The following FOXJ3 variants were observed in gnomAD, a reference collection of about 807,000 sequenced individuals.
The protein encoded by FOXJ3 is forkhead box protein J3.
FOXJ3 carries 22 observed loss-of-function variants against 76.1 expected under a neutral mutation model. The ratio of observed to expected loss-of-function variants is 0.29; its 90% CI spans 0.21 to 0.41. The LOEUF (loss-of-function observed/expected upper bound fraction) is 0.41, where lower values mean the gene tolerates loss of function less well. Ranked by LOEUF, FOXJ3 falls within the 10% of genes least tolerant of loss-of-function variation. The probability of loss-of-function intolerance (pLI) is 1.00; values close to 1 mark genes in which losing one functional copy is unlikely to be tolerated. For missense variants in FOXJ3, 613 were observed against 762.1 expected (o/e 0.80, Z 2.30); for synonymous variants, 269 against 261.2 (o/e 1.03, Z -0.29).
rs150303137 is a variant in FOXJ3 at position 42,269,251 on chromosome 1, G to C, written c.370-4062C>G. ...AAATCTAAAATAAGACATGAAAAAA[G>C]AAAGAGGCATCAGACAAACTAGTTC... On this transcript the variant is annotated intron_variant, in intron 3 of 12. Coordinates refer to ENST00000361346, the MANE Select transcript of FOXJ3 (RefSeq NM_014947.5). Among the ~76,000 whole-genome samples, 4 of 152,132 alleles carry C rather than the reference G, an allele frequency of 2.6e-5. 1 individual carries two copies. The highest frequency in any genetic ancestry group is 9.6e-5 in the African/African-American group (4 of 41,532).
chr1:42,222,054 GAAGAAGAAGAAGA>G lies in FOXJ3; in HGVS notation c.528+5816_528+5828del, dbSNP rs1557649635. 1.4e-4 allele frequency among the ~76,000 whole-genome samples: 14 copies of G among 103,326 alleles called. 2 individuals are homozygous for G. Among genetic ancestry groups the G allele is most frequent in the African/African-American group, 4.2e-4 (10 of 24,016 alleles). 67.8% of individuals were successfully genotyped at this position (103,326 alleles called of 152,430 possible). On this transcript the variant is annotated intron_variant, in intron 5 of 12. Transcript: ENST00000361346. ...GGGAGGAGAAGGAGAAGGAGAAGAA[GAAGAAGAAGAAGA>G]AGAAGAAGAAGAAGAAGAAGAAGAA...
chr1:42,259,941 A>G (rs1001328342), intron 4 of FOXJ3, among the ~76,000 whole-genome samples: 3 of 152,186 alleles, frequency 2.0e-5, no homozygotes, highest in East Asian at 1.9e-4. Context: ...GACAAACTCT[A>G]AAGTCTCCCT....
At chr1:42,199,023 T>A in intron 7 of FOXJ3, 79 bp downstream of exon 7, 2 of 1,171,850 alleles carry the variant, frequency 1.7e-6, no homozygotes, top group Admixed American at 4.1e-5. Context: ...CATTTTTAAA[T>A]TTGCATTTCA....
chr1:42,334,804 C>G (rs995978629), intron 1 of FOXJ3: 1 of 152,198 alleles, frequency 6.6e-6, no homozygotes, highest in Non-Finnish European at 1.5e-5. Context: ...CGCGAAGCCG[C>G]TGCTTCCCAG....
At chr1:42,256,158 ATCT>A (rs1020548117) in intron 4 of FOXJ3, among the ~76,000 whole-genome samples, 53 of 152,342 alleles carry the variant, frequency 3.5e-4, no homozygotes, top group African/African-American at 1.3e-3. Flanking sequence ...TAAAAAGAAA[ATCT>A]TCATGACCGT....
At chr1:42,267,218 T>C (rs1651532235) in intron 3 of FOXJ3, among the ~76,000 whole-genome samples, 1 of 151,972 alleles carries the variant, frequency 6.6e-6, no homozygotes. Flanking sequence ...ACCAAAAGCA[T>C]ACCACTGAAT....
At chr1:42,191,943 C>T (rs1451334970) in intron 8 of FOXJ3, among the ~76,000 whole-genome samples, 2 of 152,126 alleles carry the variant, frequency 1.3e-5, no homozygotes, top group African/African-American at 4.8e-5. Flanking sequence ...TTATGACCAA[C>T]AATTTAAGTA....
chr1:42,255,039 A>G (rs1650468533), intron 4 of FOXJ3, among the ~76,000 whole-genome samples: 1 of 152,206 alleles, frequency 6.6e-6, no homozygotes, highest in South Asian at 2.1e-4. Context: ...AGAACATCAG[A>G]AAAGGTAAAT....
At chr1:42,211,202 C>A (rs931288774) in intron 5 of FOXJ3, among the ~76,000 whole-genome samples, 2 of 152,140 alleles carry the variant, frequency 1.3e-5, no homozygotes, top group African/African-American at 4.8e-5. Flanking sequence ...TCCCATGGAG[C>A]TTGGCATGGG....
intron 2 of FOXJ3, among the ~76,000 whole-genome samples, chr1:42,304,576 G>A (rs1004427640): frequency 6.6e-6 from 1 of 152,112 alleles, no homozygotes; most frequent in African/African-American, 2.4e-5. Context: ...ACAGGATAGA[G>A]AACCCAGAAA....
chr1:42,205,601 C>G (rs1256609348), intron 6 of FOXJ3, among the ~76,000 whole-genome samples, 161 bp downstream of exon 6: 1 of 152,118 alleles, frequency 6.6e-6, no homozygotes, highest in African/African-American at 2.4e-5. Context: ...TTTGTGCATA[C>G]CTCAAAACAT....
chr1:42,262,828 AAC>A (rs1464927354), intron 4 of FOXJ3, among the ~76,000 whole-genome samples: 3 of 152,220 alleles, frequency 2.0e-5, no homozygotes, highest in Non-Finnish European at 2.9e-5. Context: ...CAGCCTGGGC[AAC>A]AGAGTGAGAC....
At chr1:42,304,966 T>G (rs932624382) in intron 2 of FOXJ3, among the ~76,000 whole-genome samples, 1 of 152,128 alleles carries the variant, frequency 6.6e-6, no homozygotes, top group Non-Finnish European at 1.5e-5. Flanking sequence ...AGCCACAAAA[T>G]GGCTGAAAAT....
chr1:42,241,744 T>C (rs567188955), intron 4 of FOXJ3, among the ~76,000 whole-genome samples: 29 of 152,164 alleles, frequency 1.9e-4, no homozygotes, highest in Non-Finnish European at 3.7e-4. Flanking sequence ...TCCAGGGGAA[T>C]GAGGACACAC....
At chr1:42,322,454 T>TA (rs775788189) in intron 1 of FOXJ3, among the ~76,000 whole-genome samples, 9 of 151,848 alleles carry the variant, frequency 5.9e-5, no homozygotes, top group African/African-American at 9.7e-5. Context: ...TTGAAATACT[T>TA]AAAAAAAAGG....
At chr1:42,304,281 C>T (rs773186192) in intron 2 of FOXJ3, among the ~76,000 whole-genome samples, 1 of 151,938 alleles carries the variant, frequency 6.6e-6, no homozygotes, top group Non-Finnish European at 1.5e-5. Context: ...AGATAGTCCA[C>T]GTTCATGGAG....
chr1:42,218,024 G>A (rs1647106758), intron 5 of FOXJ3, among the ~76,000 whole-genome samples: 1 of 152,108 alleles, frequency 6.6e-6, no homozygotes, highest in East Asian at 1.9e-4. Flanking sequence ...GAGACAACAT[G>A]CAGTGCTCCC....
At chr1:42,313,153 G>A (rs1654911027) in intron 1 of FOXJ3, among the ~76,000 whole-genome samples, 1 of 152,122 alleles carries the variant, frequency 6.6e-6, no homozygotes, top group Non-Finnish European at 1.5e-5. Flanking sequence ...TGACCAATAT[G>A]ATGAAACCCC....
At chr1:42,314,483 G>A (rs1654993210) in intron 1 of FOXJ3, among the ~76,000 whole-genome samples, 1 of 152,188 alleles carries the variant, frequency 6.6e-6, no homozygotes, top group South Asian at 2.1e-4. Flanking sequence ...GCTGACCTCA[G>A]GTGATCCACC....
Sources: allele counts gnomAD v4.1 joint callset (sites outside exome capture counted in the v4.1 genomes callset), GRCh38; gene constraint gnomAD v4.1.1; transcripts MANE v1.5; gene names NCBI Gene and HGNC (gene_info 2026-07-23, HGNC 2026-07-21).